The following GPATCH2 variants were observed in gnomAD, a reference collection of about 807,000 sequenced individuals.
GPATCH2 encodes G patch domain-containing protein 2.
GPATCH2 carries 51 observed loss-of-function variants against 58.0 expected under a neutral mutation model. The observed-to-expected ratio is 0.88, with a 90% CI of 0.70 to 1.11. The LOEUF is 1.11. Ranked by LOEUF, GPATCH2 falls within the 50% of genes most tolerant of loss-of-function variation. The probability of loss-of-function intolerance (pLI) is 0.00; values close to 1 mark genes in which losing one functional copy is unlikely to be tolerated. For missense variants in GPATCH2, 625 were observed against 652.2 expected (o/e 0.96, Z 0.45); for synonymous variants, 222 against 218.5 (o/e 1.02, Z -0.14).
intron 5 of GPATCH2, among the ~76,000 whole-genome samples, chr1:217,557,145 G>A (rs1004271690): frequency 2.6e-5 from 4 of 152,020 alleles, no homozygotes; most frequent in Admixed American, 6.6e-5. Flanking sequence ...GGTGGTTCAC[G>A]CCTGTAATCC....
chr1:217,448,545 T>C (rs1410729888), intron 9 of GPATCH2, among the ~76,000 whole-genome samples: 1 of 152,180 alleles, frequency 6.6e-6, no homozygotes, highest in Non-Finnish European at 1.5e-5. Context: ...TTTCAATACA[T>C]ACTATTTTAT....
intron 9 of GPATCH2, among the ~76,000 whole-genome samples, chr1:217,445,255 C>T (rs927424344): frequency 5.3e-5 from 8 of 151,944 alleles, no homozygotes; most frequent in Non-Finnish European, 1.2e-4. Context: ...TAGTAATAGG[C>T]AATATTAATT....
chr1:217,618,308 C>CA (rs974424082), intron 2 of GPATCH2, among the ~76,000 whole-genome samples: 8 of 148,704 alleles, frequency 5.4e-5, no homozygotes, highest in African/African-American at 2.0e-4. Context: ...CTCCCAGGTT[C>CA]AAGCAATTCT....
intron 8 of GPATCH2, among the ~76,000 whole-genome samples, chr1:217,451,646 T>C (rs1659671216): frequency 6.6e-6 from 1 of 152,224 alleles, no homozygotes; most frequent in Non-Finnish European, 1.5e-5. Flanking sequence ...ATCTTATCCC[T>C]ATTGAAATCT....
At chr1:217,608,430 TAG>T (rs1481052003) in intron 5 of GPATCH2, 3 of 984,854 alleles carry the variant, frequency 3.0e-6, no homozygotes, top group African/African-American at 1.7e-5. Flanking sequence ...TTTTACAATT[TAG>T]AGAGGGAAAG....
intron 5 of GPATCH2, among the ~76,000 whole-genome samples, chr1:217,570,453 G>A (rs376700796): frequency 7.2e-5 from 11 of 152,058 alleles, no homozygotes; most frequent in African/African-American, 2.7e-4. Context: ...GTTTGTTCCT[G>A]TTTTCTTTCC....
chr1:217,461,130 T>A (rs1014125240), intron 8 of GPATCH2, among the ~76,000 whole-genome samples: 5 of 152,212 alleles, frequency 3.3e-5, no homozygotes, highest in Admixed American at 2.6e-4. Flanking sequence ...ATTGAGAAGA[T>A]AAGACTAAAT....
rs146895403 is a variant in GPATCH2 at position 217,628,659 on chromosome 1, T to A, written c.56+2257A>T. On this transcript the variant is annotated intron_variant, in intron 1 of 9. Transcript: ENST00000366935. ...ATAGTTTATTTTAATGGCTTTTTTT[T>A]AAGCAAAGCCACATAATAAAGTTAA... Among the ~76,000 whole-genome samples the A allele has an allele frequency of 4.1e-3, 612 of 149,400 alleles. 5 individuals are homozygous for A. The highest frequency in any genetic ancestry group is 0.014 in the African/African-American group (572 of 40,596).
At chr1:217,571,875 T>C (rs576786049) in intron 5 of GPATCH2, among the ~76,000 whole-genome samples, 113 of 150,352 alleles carry the variant, frequency 7.5e-4, no homozygotes, top group Non-Finnish European at 1.0e-3. Flanking sequence ...CACTCCAGCC[T>C]GGGCCACAAG....
At chr1:217,575,686 CA>C (rs1467021143) in intron 5 of GPATCH2, among the ~76,000 whole-genome samples, 2 of 151,774 alleles carry the variant, frequency 1.3e-5, no homozygotes, top group South Asian at 2.1e-4. Context: ...TGGAGGATAA[CA>C]AAAAAACAAA....
chr1:217,431,337 G>C lies in GPATCH2; in HGVS notation c.1395C>G (p.Ile465Met), dbSNP rs781312438. 1 of 1,602,222 alleles carries C rather than the reference G, an allele frequency of 6.2e-7. No homozygotes were observed. Among genetic ancestry groups the C allele is most frequent in the Non-Finnish European group, 8.6e-7 (1 of 1,169,080 alleles). ...TTCGGTTTCCAATATTATTTTCTAG[G>C]ATTGGCTGGGCATTTTCACCTACAA... is the stretch of plus-strand genomic sequence containing the variant. Reference protein sequence around the residue: ...AGFVGENAQPILENNIGNRML... With the variant: ...AGFVGENAQPMLENNIGNRML... The change falls in exon 10 of 10, where the codon ATC becomes ATG. Residue 465 changes from isoleucine to methionine, a missense_variant. Coordinates refer to ENST00000366935, the MANE Select transcript of GPATCH2 (RefSeq NM_018040.5).
At chr1:217,598,214 T>C (rs942769087) in intron 5 of GPATCH2, among the ~76,000 whole-genome samples, 1 of 151,868 alleles carries the variant, frequency 6.6e-6, no homozygotes, top group Non-Finnish European at 1.5e-5. Flanking sequence ...ATCGAAACCC[T>C]GACTCTACTA....
intron 5 of GPATCH2, among the ~76,000 whole-genome samples, chr1:217,532,851 T>C (rs1664259138): frequency 6.6e-6 from 1 of 151,718 alleles, no homozygotes; most frequent in Admixed American, 6.6e-5. Flanking sequence ...CCACTGGTCT[T>C]AATTGTAAAA....
rs753831068 is a variant in GPATCH2 at position 217,431,168 on chromosome 1, G to C, written c.1564C>G (p.Pro522Ala). 29 of 1,555,338 alleles carry C rather than the reference G, an allele frequency of 1.9e-5. 1 individual carries two copies. In the Admixed American group the frequency reaches 3.3e-4, roughly 18 times the overall value. The stretch of plus-strand genomic sequence containing the variant: ...TCTTAGGCGGATTTTCCTGCATTGG[G>C]GGTAGTAGTTGCGGAAGTACTTTTT... ...LPKSTSATTT[P>A]NAGKSA The change falls in exon 10 of 10, where the codon CCC becomes GCC. Residue 522 changes from proline (P) to alanine (A), a missense_variant. Physicochemically the swap from Pro to Ala is conservative, Grantham distance 27. Transcript: ENST00000366935.
chr1:217,463,788 T>G (rs1660314229), intron 8 of GPATCH2, among the ~76,000 whole-genome samples: 1 of 151,536 alleles, frequency 6.6e-6, no homozygotes, highest in Admixed American at 6.6e-5. Context: ...TTGGGTTCCC[T>G]AAAAGTCATT....
chr1:217,437,497 T>G (rs1288968481), intron 9 of GPATCH2, among the ~76,000 whole-genome samples: 2 of 152,180 alleles, frequency 1.3e-5, no homozygotes, highest in African/African-American at 4.8e-5. Flanking sequence ...AAATTCTCAC[T>G]GCCAGCACAG....
chr1:217,612,036 C>T (rs1281687468), intron 3 of GPATCH2, among the ~76,000 whole-genome samples: 1 of 151,804 alleles, frequency 6.6e-6, no homozygotes, highest in Admixed American at 6.6e-5. Flanking sequence ...AAAAATTAGC[C>T]GGGCATGATG....
At position 217,436,228 on chromosome 1, in the gene GPATCH2, GA is replaced by G. The variant is rs34692850; in HGVS notation, c.1367-4864del. ...ACAAATAGAAAACTGTTTTGGCCCT[GA>G]AGTCAGACAGGAATGTTTATCTGCT... On this transcript the variant is annotated intron_variant, in intron 9 of 9. Coordinates refer to ENST00000366935, the MANE Select transcript of GPATCH2 (RefSeq NM_018040.5). Among the ~76,000 whole-genome samples the G allele has an allele frequency of 6.2e-3, 937 of 151,892 alleles. 14 individuals carry two copies. Among genetic ancestry groups the G allele is most frequent in the African/African-American group, 0.021 (879 of 41,462 alleles).
intron 5 of GPATCH2, among the ~76,000 whole-genome samples, chr1:217,568,736 T>A (rs980078848): frequency 3.9e-5 from 6 of 152,178 alleles, no homozygotes; most frequent in Non-Finnish European, 8.8e-5. Context: ...TAGGGTCTTG[T>A]CTTGTAAGCT....
Sources: allele counts gnomAD v4.1 joint callset (sites outside exome capture counted in the v4.1 genomes callset), GRCh38; gene constraint gnomAD v4.1.1; transcripts MANE v1.5; gene names NCBI Gene and HGNC (gene_info 2026-07-23, HGNC 2026-07-21).